Variants in NMNAT3 observed in about 807,000 individuals in gnomAD.
NMNAT3 encodes the protein nicotinamide nucleotide adenylyltransferase 3.
NMNAT3 carries 21 observed loss-of-function variants against 24.8 expected under a neutral mutation model. The observed-to-expected ratio is 0.85, with a 90% CI of 0.60 to 1.22. The LOEUF (loss-of-function observed/expected upper bound fraction) is 1.22, where lower values mean the gene tolerates loss of function less well. Ranked by LOEUF, NMNAT3 falls within the 50% of genes most tolerant of loss-of-function variation. The pLI, the probability that NMNAT3 is intolerant of heterozygous loss-of-function variation, is 0.00. For synonymous variants in NMNAT3, 136 were observed against 155.2 expected (o/e 0.88, Z 0.92); for missense variants, 387 against 436.6 (o/e 0.89, Z 1.01).
At chr3:139,567,787 T>C (rs531947020) in intron 6 of NMNAT3, 101 of 152,318 alleles carry the variant, frequency 6.6e-4, no homozygotes, top group African/African-American at 2.3e-3. Context: ...ATCAAGGATA[T>C]TGGTCTAAAA....
Position 139,601,936 on chromosome 3 carries a change from A to G in NMNAT3, c.110-18728T>C, listed in dbSNP as rs549484584. ...AATCAATTCTTTTCACTTTAACTGT[A>G]TTGGAAAGATACTTTAAAAAATCTT... On this transcript the variant is annotated intron_variant, in intron 3 of 6. Coordinates refer to ENST00000643695, the MANE Select transcript of NMNAT3 (RefSeq NM_001320510.2). 3.3e-5 allele frequency among the ~76,000 whole-genome samples: 5 copies of G among 152,364 alleles called. No homozygotes were observed. In the South Asian group the frequency reaches 1.0e-3, roughly 32 times the overall value.
intron 1 of NMNAT3, among the ~76,000 whole-genome samples, chr3:139,659,830 G>T (rs533806802): frequency 6.6e-6 from 1 of 152,340 alleles, no homozygotes; most frequent in African/African-American, 2.4e-5. Flanking sequence ...AGCGTGCAAC[G>T]CAGGATGAGA....
At chr3:139,614,249 A>C (rs1277968701) in intron 3 of NMNAT3, among the ~76,000 whole-genome samples, 1 of 152,142 alleles carries the variant, frequency 6.6e-6, no homozygotes, top group Non-Finnish European at 1.5e-5. Flanking sequence ...ACTAAAAAAA[A>C]AAAAAACTTT....
chr3:139,563,408 C>G (rs1446314442), intron 6 of NMNAT3, among the ~76,000 whole-genome samples: 1 of 152,206 alleles, frequency 6.6e-6, no homozygotes, highest in Admixed American at 6.5e-5. Context: ...CTGGGACACA[C>G]CCCCTCTCTT....
intron 6 of NMNAT3, chr3:139,569,956 T>G (rs1937880845): frequency 6.6e-6 from 1 of 152,182 alleles, no homozygotes. Flanking sequence ...TTGGTTCCAT[T>G]CTCCCCGTCA....
At position 139,560,946 on chromosome 3, in the gene NMNAT3, C is replaced by T. The variant is rs545608747; in HGVS notation, c.*64G>A. The T allele has an allele frequency of 4.0e-6, 6 of 1,511,050 alleles. No individual in the cohort carries two copies. Among genetic ancestry groups the T allele is most frequent in the East Asian group, 4.5e-5 (2 of 43,980 alleles). The allele number at this position is 1,511,050 out of a possible 1,614,324, so 93.6% of individuals were successfully genotyped here. ...AGCAAAAACCAAAGTAAAACAGAAA[C>T]CTTAACAGCCCTCTCCCCAGCAGGA... On this transcript the variant is annotated 3_prime_UTR_variant, in exon 7 of 7. Transcript: ENST00000643695.
At chr3:139,660,433 TA>T (rs1184780334) in intron 1 of NMNAT3, among the ~76,000 whole-genome samples, 2 of 152,216 alleles carry the variant, frequency 1.3e-5, no homozygotes, top group Non-Finnish European at 2.9e-5. Flanking sequence ...AGATTCATCT[TA>T]AAGTCCCTCA....
chr3:139,669,627 G>C (rs556205286), intron 1 of NMNAT3, among the ~76,000 whole-genome samples: 1 of 152,030 alleles, frequency 6.6e-6, no homozygotes, highest in African/African-American at 2.4e-5. Flanking sequence ...GAGATGAAGT[G>C]TTTCTATATA....
intron 1 of NMNAT3, among the ~76,000 whole-genome samples, chr3:139,651,940 C>T (rs1183650934): frequency 6.6e-6 from 1 of 152,204 alleles, no homozygotes; most frequent in Admixed American, 6.5e-5. Flanking sequence ...AGCCTGGGGA[C>T]CTAAGTCCTC....
intron 2 of NMNAT3, 21 bp from the exon 4 acceptor site, chr3:139,627,785 C>T (rs2056121071): frequency 7.5e-6 from 7 of 938,912 alleles, no homozygotes; most frequent in Non-Finnish European, 1.1e-5. Context: ...GACAAAAGCT[C>T]ATGTCAGGGA....
intron 3 of NMNAT3, among the ~76,000 whole-genome samples, chr3:139,612,138 G>C (rs977409474): frequency 6.8e-6 from 1 of 146,832 alleles, no homozygotes; most frequent in Non-Finnish European, 1.5e-5. Flanking sequence ...TTGCACTCCA[G>C]CTTGGGCAAC....
chr3:139,677,036 A>G (rs1385866640), intron 1 of NMNAT3, among the ~76,000 whole-genome samples: 1 of 152,148 alleles, frequency 6.6e-6, no homozygotes, highest in African/African-American at 2.4e-5. Context: ...AGCTCTCTGC[A>G]GGCCAGCCCC....
At chr3:139,630,077 C>A (rs772027360) in intron 2 of NMNAT3, among the ~76,000 whole-genome samples, 2 of 152,174 alleles carry the variant, frequency 1.3e-5, no homozygotes, top group African/African-American at 4.8e-5. Context: ...ACCTACAATT[C>A]TTTCAGTTTC....
intron 2 of NMNAT3, among the ~76,000 whole-genome samples, chr3:139,628,113 C>T (rs934751522): frequency 3.9e-5 from 6 of 152,188 alleles, no homozygotes; most frequent in South Asian, 2.1e-4. Flanking sequence ...CAGATCACCA[C>T]GGGGTCAGAA....
chr3:139,622,454 G>T, intron 3 of NMNAT3, among the ~76,000 whole-genome samples: 1 of 67,212 alleles, frequency 1.5e-5, no homozygotes, highest in Admixed American at 1.5e-4. Flanking sequence ...AGATAAACAC[G>T]CCAGGCACGG....
chr3:139,560,812 C>T lies in NMNAT3; in HGVS notation c.*198G>A. ...TTTAACTTCTTTGATAAATGTCTAT[C>T]CTTGTGATTTAGACCTTTCCTCTCC... On this transcript the variant is annotated 3_prime_UTR_variant, in exon 7 of 7. Transcript: ENST00000643695. The T allele has an allele frequency of 1.7e-6, 1 of 581,906 alleles. No homozygotes were observed. The highest frequency in any genetic ancestry group is 2.4e-5 in the South Asian group (1 of 41,972). 36.0% of individuals were successfully genotyped at this position (581,906 alleles called of 1,614,324 possible). A position where few individuals can be genotyped will look rare whatever the true frequency, so the allele number is the denominator to read the frequency against.
At chr3:139,575,730 G>C in intron 5 of NMNAT3, 1 of 1,092,366 alleles carries the variant, frequency 9.2e-7, no homozygotes, top group Middle Eastern at 3.2e-4. Context: ...ACTGCTTCTT[G>C]CTGCCTGCCT....
Position 139,665,171 on chromosome 3 carries a change from G to A in NMNAT3, c.-141+12534C>T, listed in dbSNP as rs182810834. Among the ~76,000 whole-genome samples the A allele has an allele frequency of 2.0e-5, 3 of 152,300 alleles. No homozygotes were observed. The East Asian group carries it at 5.8e-4, about 29-fold the overall frequency. ...TAGGCTTCAGGCTGGAGTCTTCTGG[G>A]ATACACCCTGTACACGAAGCCAGGC... On this transcript the variant is annotated intron_variant, in intron 1 of 6. Transcript: ENST00000643695.
At chr3:139,643,972 T>C (rs1418896003) in intron 1 of NMNAT3, among the ~76,000 whole-genome samples, 1 of 152,218 alleles carries the variant, frequency 6.6e-6, no homozygotes, top group Non-Finnish European at 1.5e-5. Context: ...TCTGCCTTGA[T>C]TCCTTGTTTT....
Sources: allele counts gnomAD v4.1 joint callset (sites outside exome capture counted in the v4.1 genomes callset), GRCh38; gene constraint gnomAD v4.1.1; transcripts MANE v1.5; gene names NCBI Gene and HGNC (gene_info 2026-07-23, HGNC 2026-07-21).